The following VAV2 variants were observed in gnomAD, a reference collection of about 807,000 sequenced individuals.
VAV2 encodes vav guanine nucleotide exchange factor 2.
Under a neutral mutation model 132.5 loss-of-function variants are expected in VAV2, and 67 were observed. The observed-to-expected ratio is 0.51, with a 90% CI of 0.42 to 0.62. VAV2 has a LOEUF of 0.62. Ranked by LOEUF, VAV2 falls within the 20% of genes least tolerant of loss-of-function variation. The pLI is 0.00. For missense variants in VAV2, 938 were observed against 1,153.6 expected, an observed-to-expected ratio of 0.81 and a Z score of 2.71; for synonymous variants, 492 against 443.5, an observed-to-expected ratio of 1.11 and a Z score of -1.37.
chr9:133,867,100 G>A (rs886348515), intron 2 of VAV2, among the ~76,000 whole-genome samples: 1 of 152,110 alleles, frequency 6.6e-6, no homozygotes, highest in African/African-American at 2.4e-5. Context: ...ACACAACACC[G>A]CCCGTGAGTG....
At chr9:133,772,745 G>A (rs116867862) in intron 25 of VAV2, among the ~76,000 whole-genome samples, 1,854 of 152,140 alleles carry the variant, frequency 0.012, 23 homozygotes, top group Non-Finnish European at 0.019. Context: ...ACAGTCAGGC[G>A]GCGTTTAACC....
At chr9:133,882,611 G>A (rs1231481516) in intron 2 of VAV2, among the ~76,000 whole-genome samples, 1 of 151,942 alleles carries the variant, frequency 6.6e-6, no homozygotes, top group African/African-American at 2.4e-5. Flanking sequence ...AAGGAGCGTG[G>A]CCCTGCCGAC....
Position 133,826,818 on chromosome 9 carries a change from A to T in VAV2, c.449+7454T>A, listed in dbSNP as rs562054272. The stretch of plus-strand genomic sequence containing the variant: ...CTGCCGGCACCACGGGAGGGAGGGC[A>T]GAGGCAGGCGGCCTGGCCCTGCTGG... On this transcript the variant is annotated intron_variant, in intron 4 of 29. Transcript: ENST00000371850. The surrounding 1 kb of genome is among the most constrained non-coding windows in gnomAD (Gnocchi z 4.2). Among the ~76,000 whole-genome samples, 1 of 152,296 alleles carries T rather than the reference A, an allele frequency of 6.6e-6. No individual in the cohort carries two copies. The highest frequency in any genetic ancestry group is 1.9e-4 in the East Asian group (1 of 5,174).
chr9:133,987,007 ATTTAT>A (rs1842875298), intron 1 of VAV2, among the ~76,000 whole-genome samples: 1 of 148,860 alleles, frequency 6.7e-6, no homozygotes, highest in East Asian at 1.9e-4. Flanking sequence ...TATTATATTT[ATTTAT>A]TTTATTATTA....
chr9:133,769,311 T>A lies in VAV2; in HGVS notation c.2434+106A>T. ...CCCAGTGCCAGACTGCGGACAACTGTGGCCACGTCAGGCAGGGCTGTGGGG... is the reference window on the plus strand; with the variant it reads ...CCCAGTGCCAGACTGCGGACAACTGAGGCCACGTCAGGCAGGGCTGTGGGG... On this transcript the variant is annotated intron_variant, in intron 28 of 29. Transcript: ENST00000371850. This position sits in a 1 kb window ranked among gnomAD's most constrained non-coding sequence, Gnocchi z 8.1. 2.4e-6 allele frequency: 3 copies of A among 1,236,432 alleles called. No individual in the cohort carries two copies. The highest frequency in any genetic ancestry group is 3.0e-5 in the South Asian group (2 of 65,924). The allele number at this position is 1,236,432 out of a possible 1,614,324, so 76.6% of individuals were successfully genotyped here.
intron 3 of VAV2, among the ~76,000 whole-genome samples, chr9:133,844,220 T>TC (rs1836840175): frequency 6.6e-6 from 1 of 152,174 alleles, no homozygotes; most frequent in Non-Finnish European, 1.5e-5. Context: ...CTGTAAGGCA[T>TC]AATATATATT....
chr9:133,987,493 G>C (rs72764881), intron 1 of VAV2, among the ~76,000 whole-genome samples: 5,250 of 151,408 alleles, frequency 0.035, 114 homozygotes, highest in Non-Finnish European at 0.05. Context: ...AGGCCCGGAG[G>C]GGGGGATGCC....
intron 2 of VAV2, among the ~76,000 whole-genome samples, chr9:133,904,871 ATGG>A (rs1839583571): frequency 6.6e-6 from 1 of 152,206 alleles, no homozygotes; most frequent in East Asian, 1.9e-4. Flanking sequence ...TGAGTAAATG[ATGG>A]TGTTTTTGGC....
intron 2 of VAV2, among the ~76,000 whole-genome samples, chr9:133,873,898 A>G (rs1838158375): frequency 6.6e-6 from 1 of 152,192 alleles, no homozygotes; most frequent in African/African-American, 2.4e-5. Context: ...TCCTGTTTGG[A>G]GCCTGAGGCT....
At chr9:133,871,155 G>T (rs375626919) in intron 2 of VAV2, among the ~76,000 whole-genome samples, 1 of 151,126 alleles carries the variant, frequency 6.6e-6, no homozygotes, top group African/African-American at 2.4e-5. Context: ...CAGATGGATG[G>T]GTGGGCAGAT....
At position 133,802,298 on chromosome 9, in the gene VAV2, GCACA is replaced by G. The variant is rs1158618498; in HGVS notation, c.836+3779_836+3782del. On this transcript the variant is annotated intron_variant, in intron 9 of 29. Coordinates refer to ENST00000371850, the MANE Select transcript of VAV2 (RefSeq NM_001134398.2). The surrounding 1 kb of genome is among the most constrained non-coding windows in gnomAD (Gnocchi z 5.8). ...TATGCACACACACACACATGCATGT[GCACA>G]CAAACACACAAGCACGCGTGTACAC... 1.1e-3 allele frequency among the ~76,000 whole-genome samples: 161 copies of G among 147,726 alleles called. 1 individual carries two copies. Among genetic ancestry groups the G allele is most frequent in the Middle Eastern group, 6.8e-3 (2 of 292 alleles).
chr9:133,827,562 C>T lies in VAV2; in HGVS notation c.449+6710G>A, dbSNP rs112799055. On this transcript the variant is annotated intron_variant, in intron 4 of 29. Coordinates refer to ENST00000371850, the MANE Select transcript of VAV2 (RefSeq NM_001134398.2). ...GCACGGGCATCGCCAGCTACCGCTG[C>T]GCCCACTGGGGCTGACCACTGAGCA... is the stretch of plus-strand genomic sequence containing the variant. 1.7e-3 allele frequency among the ~76,000 whole-genome samples: 52 copies of T among 31,270 alleles called. 10 individuals are homozygous for T. Among genetic ancestry groups the T allele is most frequent in the African/African-American group, 4.3e-3 (24 of 5,548 alleles). The allele number at this position is 31,270 out of a possible 152,430, so 20.5% of individuals were successfully genotyped here.
intron 2 of VAV2, among the ~76,000 whole-genome samples, chr9:133,899,882 G>A (rs1473354945): frequency 1.5e-4 from 23 of 151,428 alleles, no homozygotes; most frequent in East Asian, 1.9e-4. Flanking sequence ...TTAACTGGGC[G>A]TGGTGGCGGG....
At chr9:133,781,528 TG>T (rs1182335455) in intron 19 of VAV2, among the ~76,000 whole-genome samples, 1 of 152,070 alleles carries the variant, frequency 6.6e-6, no homozygotes, top group East Asian at 1.9e-4. Flanking sequence ...CTGTGCCTGA[TG>T]GGGGCTTCCC....
rs745465680 is a variant in VAV2 at position 133,806,068 on chromosome 9, G to A, written c.836+13C>T. On this transcript the variant is annotated intron_variant, in intron 9 of 29. Coordinates refer to ENST00000371850, the MANE Select transcript of VAV2 (RefSeq NM_001134398.2). ...GAGGGGCCAAGGAGCCCCAGGAGCC[G>A]GCAGCCACTCACCTTTCCTTGAAAT... The A allele has an allele frequency of 1.6e-5, 25 of 1,610,218 alleles. No homozygotes were observed. The highest frequency in any genetic ancestry group is 6.6e-5 in the South Asian group (6 of 90,612).
intron 2 of VAV2, among the ~76,000 whole-genome samples, chr9:133,911,175 T>C (rs941459992): frequency 2.6e-5 from 4 of 152,230 alleles, no homozygotes; most frequent in South Asian, 2.1e-4. Context: ...CGGAAGCACA[T>C]TTTTAATAAA....
intron 15 of VAV2, among the ~76,000 whole-genome samples, chr9:133,787,996 G>C: frequency 6.6e-6 from 1 of 152,264 alleles, no homozygotes; most frequent in East Asian, 1.9e-4. Flanking sequence ...ACATGGGCTA[G>C]AGTCAGGCTG....
chr9:133,788,428 C>T lies in VAV2; in HGVS notation c.1333G>A (p.Glu445Lys). The T allele has an allele frequency of 1.2e-6, 2 of 1,612,900 alleles. No individual in the cohort carries two copies. Among genetic ancestry groups the T allele is most frequent in the Non-Finnish European group, 1.7e-6 (2 of 1,179,030 alleles). Residue 445 changes from glutamate (E) to lysine (K), a missense_variant, in exon 15 of 30, where the codon GAG becomes AAG. Transcript: ENST00000371850. This position sits in a 1 kb window ranked among gnomAD's most constrained non-coding sequence, Gnocchi z 5.3. ...IVCKRKGYSY[E>K]LKEIIELLFH... ...AGCAGCTCGATGATCTCCTTGAGCT[C>T]GTAGCTGTAGCCCTTCCGCTTGCAG...
intron 8 of VAV2, 124 bp downstream of exon 8, chr9:133,807,134 C>A: frequency 8.8e-7 from 1 of 1,141,100 alleles, no homozygotes; most frequent in Non-Finnish European, 1.2e-6. Flanking sequence ...TTCCGGCCAG[C>A]ACGAGCCACC....
Sources: gnomAD v4.1 joint callset for allele counts (sites outside exome capture counted in the v4.1 genomes callset) on GRCh38, gnomAD v4.1.1 for gene constraint, Gnocchi (gnomAD v3.1) non-coding constraint, MANE v1.5 for transcripts, NCBI Gene and HGNC (gene_info 2026-07-23, HGNC 2026-07-21) for gene names.